Variants in GCNT2 observed in about 807,000 individuals in gnomAD.
GCNT2 encodes the protein glucosaminyl (N-acetyl) transferase 2 (I blood group).
Under a neutral mutation model 34.2 loss-of-function variants are expected in GCNT2, and 34 were observed. That is an observed-to-expected ratio of 1.00 (90% CI 0.76 to 1.32). The LOEUF (loss-of-function observed/expected upper bound fraction) is 1.32, where lower values mean the gene tolerates loss of function less well. Ranked by LOEUF, GCNT2 falls within the 40% of genes most tolerant of loss-of-function variation. The pLI, the probability that GCNT2 is intolerant of heterozygous loss-of-function variation, is 0.00. For synonymous variants in GCNT2, 212 were observed against 188.0 expected (o/e 1.13, Z -1.04); for missense variants, 584 against 489.4 (o/e 1.19, Z -1.82).
chr6:10,607,500 C>A (rs1765372898), intron 3 of GCNT2, among the ~76,000 whole-genome samples: 2 of 152,116 alleles, frequency 1.3e-5, no homozygotes, highest in South Asian at 4.2e-4. Flanking sequence ...CACCCAGACC[C>A]CAGCTCCAAC....
chr6:10,523,317 T>C (rs897993562), intron 1 of GCNT2, among the ~76,000 whole-genome samples: 1 of 151,594 alleles, frequency 6.6e-6, no homozygotes, highest in Non-Finnish European at 1.5e-5. Flanking sequence ...CCCCAGCTGC[T>C]CGGGAGGCTG....
intron 3 of GCNT2, among the ~76,000 whole-genome samples, chr6:10,611,581 G>A (rs542613188): frequency 4.0e-5 from 6 of 151,764 alleles, no homozygotes; most frequent in African/African-American, 1.2e-4. Flanking sequence ...TGCCCGCCTC[G>A]GCCTCCCAAA....
At chr6:10,600,311 T>C (rs1765038860) in intron 3 of GCNT2, among the ~76,000 whole-genome samples, 1 of 152,208 alleles carries the variant, frequency 6.6e-6, no homozygotes, top group African/African-American at 2.4e-5. Context: ...AGGTATACTA[T>C]ATAATACAGT....
intron 1 of GCNT2, among the ~76,000 whole-genome samples, chr6:10,522,844 T>C (rs994337963): frequency 3.3e-5 from 5 of 152,180 alleles, no homozygotes; most frequent in African/African-American, 1.2e-4. Context: ...ATTGGGCTGC[T>C]GTTCTAGCTT....
At chr6:10,613,924 AG>A (rs1462996614) in intron 3 of GCNT2, among the ~76,000 whole-genome samples, 4 of 152,204 alleles carry the variant, frequency 2.6e-5, no homozygotes, top group Non-Finnish European at 5.9e-5. Context: ...CTACTCCATC[AG>A]GGTGCTCAGC....
intron 3 of GCNT2, among the ~76,000 whole-genome samples, chr6:10,584,899 T>C (rs1171906260): frequency 6.6e-6 from 1 of 152,154 alleles, no homozygotes; most frequent in Non-Finnish European, 1.5e-5. Context: ...CTCTTTCTTT[T>C]CCCCACATTT....
intron 3 of GCNT2, among the ~76,000 whole-genome samples, chr6:10,607,178 C>A (rs948284115): frequency 6.6e-6 from 1 of 152,076 alleles, no homozygotes; most frequent in Admixed American, 6.6e-5. Context: ...GAACTCTTGA[C>A]CTCAGGTGAT....
intron 3 of GCNT2, among the ~76,000 whole-genome samples, chr6:10,613,111 A>T (rs939348416): frequency 2.0e-5 from 3 of 152,212 alleles, no homozygotes; most frequent in Non-Finnish European, 2.9e-5. Context: ...CAATTTCTGG[A>T]ACTTGTTACC....
intron 3 of GCNT2, among the ~76,000 whole-genome samples, chr6:10,542,066 A>C (rs2113591665): frequency 6.6e-6 from 1 of 152,304 alleles, no homozygotes; most frequent in East Asian, 1.9e-4. Context: ...GTATGAAACC[A>C]ATTGTGTTGT....
chr6:10,566,648 T>C (rs748672105), intron 3 of GCNT2, among the ~76,000 whole-genome samples: 2 of 152,228 alleles, frequency 1.3e-5, no homozygotes, highest in African/African-American at 4.8e-5. Flanking sequence ...TAGAATAGGC[T>C]TCAAGGGCAG....
chr6:10,566,438 T>C (rs536417346), intron 3 of GCNT2, among the ~76,000 whole-genome samples: 40 of 152,258 alleles, frequency 2.6e-4, no homozygotes, highest in African/African-American at 8.4e-4. Context: ...GTTGGGACTT[T>C]AGGTGCCACC....
intron 3 of GCNT2, among the ~76,000 whole-genome samples, chr6:10,601,523 A>C (rs1011220622): frequency 4.6e-5 from 7 of 152,348 alleles, no homozygotes; most frequent in Admixed American, 2.0e-4. Context: ...TCTTACAGGA[A>C]AAACTCTGCT....
chr6:10,621,454 C>T lies in GCNT2; in HGVS notation c.1018+11C>T, dbSNP rs750862427. On this transcript the variant is annotated intron_variant, in intron 4 of 4. Coordinates refer to ENST00000495262, the MANE Select transcript of GCNT2 (RefSeq NM_145649.5). ...ACGGAGGCTGCCACGGTGAGGCTCT[C>T]GTTCCATGCTTCTAGGCCACTGCCT... 5.1e-6 allele frequency: 8 copies of T among 1,562,988 alleles called. 1 individual carries two copies. Among genetic ancestry groups the T allele is most frequent in the South Asian group, 4.5e-5 (4 of 89,812 alleles).
At chr6:10,556,223 C>T in intron 3 of GCNT2, 3 of 1,436,580 alleles carry the variant, frequency 2.1e-6, no homozygotes, top group South Asian at 1.5e-5. Context: ...TTGAGAGAGG[C>T]GGGATCTGGC....
At position 10,600,665 on chromosome 6, in the gene GCNT2, C is replaced by T. The variant is rs143091181; in HGVS notation, c.926-20686C>T. Reference sequence around the variant, plus strand: ...ATGTAGCCATTGAGGGCTGAGAAAGCGCTGCTGCTTCTTCTTTCTTTTCTA... The same window carrying T: ...ATGTAGCCATTGAGGGCTGAGAAAGTGCTGCTGCTTCTTCTTTCTTTTCTA... On this transcript the variant is annotated intron_variant, in intron 3 of 4. Transcript: ENST00000495262. 6.7e-3 allele frequency among the ~76,000 whole-genome samples: 1,016 copies of T among 152,222 alleles called. 10 individuals carry two copies. The highest frequency in any genetic ancestry group is 0.023 in the African/African-American group (972 of 41,534).
intron 4 of GCNT2, among the ~76,000 whole-genome samples, chr6:10,624,929 G>A (rs1410142950): frequency 8.5e-5 from 13 of 152,126 alleles, no homozygotes; most frequent in Admixed American, 8.5e-4. Context: ...AAGACATCGA[G>A]TTGTCTATGA....
intron 3 of GCNT2, among the ~76,000 whole-genome samples, chr6:10,540,198 AGGGT>A (rs2113580686): frequency 6.6e-6 from 1 of 152,230 alleles, no homozygotes; most frequent in East Asian, 1.9e-4. Context: ...GAGGTTCCCT[AGGGT>A]ATAGTTCTTC....
intron 3 of GCNT2, among the ~76,000 whole-genome samples, chr6:10,594,204 C>T (rs1764756842): frequency 6.6e-6 from 1 of 152,210 alleles, no homozygotes; most frequent in Non-Finnish European, 1.5e-5. Context: ...CTGGGTTATC[C>T]TGCAGCTTCT....
At chr6:10,581,241 G>T (rs904170979) in intron 3 of GCNT2, among the ~76,000 whole-genome samples, 1 of 151,964 alleles carries the variant, frequency 6.6e-6, no homozygotes, top group African/African-American at 2.4e-5. Context: ...TGGTTTTGGG[G>T]TTTTGTTTTA....
Sources: allele counts gnomAD v4.1 joint callset (sites outside exome capture counted in the v4.1 genomes callset), GRCh38; gene constraint gnomAD v4.1.1; transcripts MANE v1.5; gene names NCBI Gene and HGNC (gene_info 2026-07-23, HGNC 2026-07-21).